NSD1: variants seen among roughly 807,000 people sequenced by gnomAD.
NSD1 encodes histone-lysine N-methyltransferase, H3 lysine-36 specific.
Under a neutral mutation model 242.7 loss-of-function variants are expected in NSD1, and 26 were observed. The ratio of observed to expected loss-of-function variants is 0.11; its 90% CI spans 0.08 to 0.15. The LOEUF (loss-of-function observed/expected upper bound fraction) is 0.15, where lower values mean the gene tolerates loss of function less well. NSD1 is among the 10% of genes least tolerant of loss of function. NSD1 has a pLI of 1.00. For missense variants in NSD1, 2,495 were observed against 3,272.8 expected, an observed-to-expected ratio of 0.76 and a Z score of 5.80; for synonymous variants, 1,106 against 1,178.1, an observed-to-expected ratio of 0.94 and a Z score of 1.25.
chr5:177,239,974 TAGTG>T (rs1403539665), intron 8 of NSD1, 109 bp downstream of exon 8: 123 of 691,148 alleles, frequency 1.8e-4, no homozygotes, highest in Non-Finnish European at 2.9e-4. Flanking sequence ...ATATAGAAAT[TAGTG>T]TGTGTGTCAG....
intron 2 of NSD1, among the ~76,000 whole-genome samples, chr5:177,155,720 T>G (rs1758074477): frequency 6.6e-6 from 1 of 152,096 alleles, no homozygotes; most frequent in South Asian, 2.1e-4. Flanking sequence ...AGAGTCTCAC[T>G]CTGTCGCCCA....
intron 14 of NSD1, among the ~76,000 whole-genome samples, chr5:177,260,403 A>G (rs1756903984): frequency 1.7e-5 from 2 of 119,938 alleles, no homozygotes; most frequent in South Asian, 5.0e-4. Flanking sequence ...CTGGAGTGCT[A>G]TGGCACAATC....
chr5:177,240,861 A>C (rs1442428795), intron 8 of NSD1, among the ~76,000 whole-genome samples: 2 of 152,006 alleles, frequency 1.3e-5, no homozygotes, highest in Admixed American at 6.6e-5. Context: ...AAACTGTCCC[A>C]AAAAAACCCC....
rs1484182016 is a variant in NSD1, at chr5:177,158,324, CTTTCT to C, written c.927+22302_927+22306del. Reference sequence around the variant, plus strand: ...TTCTTTTCTTTCTTTTCTTTCTTTTCTTTCTTTTCTTTCTTTCTTTCTTTCTTTTT... The same window carrying C: ...TTCTTTTCTTTCTTTTCTTTCTTTTCTTTCTTTCTTTCTTTCTTTCTTTTT... On this transcript the variant is annotated intron_variant, in intron 2 of 22. Coordinates refer to ENST00000439151, the MANE Select transcript of NSD1 (RefSeq NM_022455.5). Among the ~76,000 whole-genome samples, 259 of 128,942 alleles carry C rather than the reference CTTTCT, an allele frequency of 2.0e-3. 1 individual carries two copies. The highest frequency in any genetic ancestry group is 6.7e-3 in the African/African-American group (227 of 34,030). 84.6% of individuals were successfully genotyped at this position (128,942 alleles called of 152,430 possible). A position where few individuals can be genotyped will look rare whatever the true frequency, so the allele number is the denominator to read the frequency against.
chr5:177,271,715 G>A (rs1227465380), intron 16 of NSD1, among the ~76,000 whole-genome samples: 1 of 152,142 alleles, frequency 6.6e-6, no homozygotes, highest in Non-Finnish European at 1.5e-5. Context: ...TTCCTGAAAG[G>A]ATGAAGATCT....
intron 19 of NSD1, 114 bp downstream of exon 19, chr5:177,282,695 C>G: frequency 2.4e-6 from 2 of 850,516 alleles, no homozygotes. Flanking sequence ...TTTTCCCATA[C>G]CCATTGGGAT....
At chr5:177,196,086 A>G (rs926469922) in intron 3 of NSD1, among the ~76,000 whole-genome samples, 7 of 152,158 alleles carry the variant, frequency 4.6e-5, no homozygotes, top group African/African-American at 1.7e-4. Context: ...CTGATCTGTT[A>G]CTTGAGAGGA....
chr5:177,162,261 G>GCC (rs1319304157), intron 2 of NSD1, among the ~76,000 whole-genome samples: 1 of 151,266 alleles, frequency 6.6e-6, no homozygotes, highest in Non-Finnish European at 1.5e-5. Context: ...TCAGGACACT[G>GCC]CCCTCCAGGT....
At position 177,289,686 on chromosome 5, in the gene NSD1, C is replaced by T. The variant is rs569463243; in HGVS notation, c.6258+761C>T. ...CATAGATAAAAGTAGAACTCTTAAT[C>T]TCACCATTATAAAAAAGTATAAGCA... is the stretch of plus-strand genomic sequence containing the variant. On this transcript the variant is annotated intron_variant, in intron 21 of 22. Coordinates refer to ENST00000439151, the MANE Select transcript of NSD1 (RefSeq NM_022455.5). Among the ~76,000 whole-genome samples, 3 of 152,232 alleles carry T rather than the reference C, an allele frequency of 2.0e-5. No homozygotes were observed. The South Asian group carries it at 6.2e-4, about 32-fold the overall frequency.
chr5:177,287,567 C>T (rs1759436056), intron 20 of NSD1, among the ~76,000 whole-genome samples: 1 of 152,070 alleles, frequency 6.6e-6, no homozygotes. Context: ...ACCCAGGAGG[C>T]GGAGGCTGCA....
intron 2 of NSD1, among the ~76,000 whole-genome samples, chr5:177,167,105 G>A (rs1759268539): frequency 6.6e-6 from 1 of 152,088 alleles, no homozygotes; most frequent in South Asian, 2.1e-4. Flanking sequence ...AGTTTATTAG[G>A]TGATCCAGTT....
At chr5:177,250,665 T>C (rs1186144175) in intron 11 of NSD1, among the ~76,000 whole-genome samples, 1 of 152,060 alleles carries the variant, frequency 6.6e-6, no homozygotes, top group Non-Finnish European at 1.5e-5. Context: ...GAATAGTAGA[T>C]AATGGGGAGT....
intron 17 of NSD1, among the ~76,000 whole-genome samples, chr5:177,280,228 C>T (rs1359944707): frequency 3.3e-5 from 5 of 151,734 alleles, no homozygotes; most frequent in East Asian, 1.9e-4. Flanking sequence ...CCACCTGCCT[C>T]GGCCTCCCAA....
At chr5:177,132,226 C>T (rs1385858914), upstream of NSD1, among the ~76,000 whole-genome samples, 1 of 151,950 alleles carries the variant, frequency 6.6e-6, no homozygotes, top group African/African-American at 2.4e-5. The surrounding 1 kb of genome is among the most constrained non-coding windows in gnomAD (Gnocchi z 7.5). Flanking sequence ...GCCCGGCCCT[C>T]AGGGGCGAGG....
At chr5:177,236,556 A>C (rs994598232) in intron 6 of NSD1, among the ~76,000 whole-genome samples, 1 of 152,182 alleles carries the variant, frequency 6.6e-6, no homozygotes, top group African/African-American at 2.4e-5. Context: ...AATCACTTTG[A>C]ATTCAGAACA....
intron 14 of NSD1, chr5:177,265,418 A>G: frequency 3.3e-6 from 2 of 604,672 alleles, no homozygotes; most frequent in Non-Finnish European, 5.8e-6. Context: ...ATAAGTTATG[A>G]AAAACAGTCA....
chr5:177,172,411 C>A (rs1242662743), intron 2 of NSD1, among the ~76,000 whole-genome samples: 1 of 151,882 alleles, frequency 6.6e-6, no homozygotes, highest in Non-Finnish European at 1.5e-5. Flanking sequence ...TTGATGCTTT[C>A]ATCAGGTAAA....
In NSD1 at chr5:177,295,132, A is replaced by T. The variant is rs1055366047; in HGVS notation, c.7764A>T (p.Gln2588His). The change falls in exon 23 of 23, where the codon CAA (glutamine) becomes CAT (histidine). Residue 2588 changes from glutamine (Q) to histidine (H), a missense_variant. Around this residue, in one of 19 missense-constraint regions of NSD1, gnomAD observed 475 missense variants for 563.7 expected, o/e 0.84. Transcript: ENST00000439151. This position sits in a 1 kb window ranked among gnomAD's most constrained non-coding sequence, Gnocchi z 4.3. ...KQAKQMVGGQ[Q>H]LPALAAKSGQ... The stretch of plus-strand genomic sequence containing the variant: ...CGAAGCAGATGGTCGGAGGCCAGCA[A>T]CTACCTGCACTTGCCGCCAAGAGTG... 31 of 1,613,466 alleles carry T rather than the reference A, an allele frequency of 1.9e-5. No individual in the cohort carries two copies. Among genetic ancestry groups the T allele is most frequent in the Non-Finnish European group, 2.6e-5 (31 of 1,179,582 alleles).
intron 5 of NSD1, among the ~76,000 whole-genome samples, chr5:177,232,010 C>T (rs1187889515): frequency 1.3e-5 from 2 of 152,100 alleles, no homozygotes; most frequent in Non-Finnish European, 2.9e-5. Context: ...AGCCATCCTC[C>T]TGCTTCAGTC....
Sources: allele counts gnomAD v4.1 joint callset (sites outside exome capture counted in the v4.1 genomes callset), GRCh38; gene constraint gnomAD v4.1.1; regional missense constraint gnomAD v4.1.1; non-coding constraint Gnocchi (gnomAD v3.1); transcripts MANE v1.5; gene names NCBI Gene and HGNC (gene_info 2026-07-23, HGNC 2026-07-21).